LAMB1: variants seen among roughly 807,000 people sequenced by gnomAD.
LAMB1 encodes the protein laminin subunit beta 1.
Under a neutral mutation model 222.3 loss-of-function variants are expected in LAMB1, and 121 were observed. The observed-to-expected ratio is 0.54, with a 90% CI of 0.47 to 0.63. LAMB1 has a LOEUF of 0.63. LAMB1 is among the 30% of genes least tolerant of loss of function. LAMB1 has a pLI of 0.00. For synonymous variants in LAMB1, 794 were observed against 807.2 expected (o/e 0.98, Z 0.28); for missense variants, 2,172 against 2,240.8 (o/e 0.97, Z 0.62).
At chr7:107,954,784 C>A (rs1179868899) in intron 21 of LAMB1, among the ~76,000 whole-genome samples, 2 of 152,098 alleles carry the variant, frequency 1.3e-5, no homozygotes, top group South Asian at 2.1e-4. Context: ...GAGTGAGACC[C>A]CGTCTCAAAA....
intron 12 of LAMB1, among the ~76,000 whole-genome samples, 180 bp from the exon 13 acceptor site, chr7:107,973,251 T>C (rs1372927666): frequency 6.6e-6 from 1 of 152,216 alleles, no homozygotes; most frequent in Non-Finnish European, 1.5e-5. Context: ...CTGTAGGCAC[T>C]GGCGTAAGAG....
intron 20 of LAMB1, among the ~76,000 whole-genome samples, chr7:107,958,309 C>T (rs570910565): frequency 9.9e-5 from 15 of 152,234 alleles, no homozygotes; most frequent in Non-Finnish European, 1.6e-4. Context: ...AAGGGTAGTC[C>T]GTGGGACCTC....
intron 12 of LAMB1, among the ~76,000 whole-genome samples, chr7:107,974,073 G>T (rs919634073): frequency 6.6e-6 from 1 of 152,050 alleles, no homozygotes; most frequent in African/African-American, 2.4e-5. Flanking sequence ...CATCACACCT[G>T]ACCAGGCTCA....
chr7:107,988,299 CAT>C (rs2034118148), intron 5 of LAMB1, among the ~76,000 whole-genome samples: 1 of 152,182 alleles, frequency 6.6e-6, no homozygotes, highest in South Asian at 2.1e-4. Context: ...TAATTAGTCA[CAT>C]GTGTGATGTC....
chr7:107,939,956 A>C (rs1324027033), intron 25 of LAMB1, 33 bp downstream of exon 25: 1 of 1,592,314 alleles, frequency 6.3e-7, no homozygotes, highest in South Asian at 1.1e-5. Context: ...TTTCAGCTTT[A>C]TGAGTAATTC....
Position 107,959,810 on chromosome 7 carries a change from G to A in LAMB1, c.2339C>T (p.Ser780Leu), listed in dbSNP as rs762419153. The A allele has an allele frequency of 1.1e-5, 18 of 1,613,428 alleles. No individual in the cohort carries two copies. Among genetic ancestry groups the A allele is most frequent in the East Asian group, 4.5e-5 (2 of 44,884 alleles). The change falls in exon 19 of 34, where the codon TCG (serine) becomes TTG (leucine). Residue 780 changes from serine to leucine, a missense_variant. Coordinates refer to ENST00000222399, the MANE Select transcript of LAMB1 (RefSeq NM_002291.3). ...GLACECDPQG[S>L]LSSVCDPNGG... ...GTTGGGATCACACACGGAACTTAACGAACCCTGAGGGTCGCATTCACAAGC... is the reference window on the plus strand; with the variant it reads ...GTTGGGATCACACACGGAACTTAACAAACCCTGAGGGTCGCATTCACAAGC...
At chr7:107,935,695 C>G in intron 26 of LAMB1, 39 bp from the exon 27 acceptor site, 1 of 1,600,730 alleles carries the variant, frequency 6.2e-7, no homozygotes, top group Non-Finnish European at 8.5e-7. Context: ...TTAACCTCAT[C>G]ATACTAGGCT....
intron 7 of LAMB1, among the ~76,000 whole-genome samples, chr7:107,983,547 CTT>C (rs11458116): frequency 9.0e-5 from 10 of 111,134 alleles, no homozygotes; most frequent in African/African-American, 2.5e-4. Context: ...CTCCAAAGCC[CTT>C]TTTTTTTTTT....
chr7:107,996,327 A>G (rs980867764), intron 4 of LAMB1, among the ~76,000 whole-genome samples: 1 of 152,192 alleles, frequency 6.6e-6, no homozygotes, highest in South Asian at 2.1e-4. Flanking sequence ...ATCCACAGAG[A>G]AAAGAAACAA....
chr7:107,941,320 G>A (rs2032976047), intron 24 of LAMB1, among the ~76,000 whole-genome samples: 1 of 152,194 alleles, frequency 6.6e-6, no homozygotes, highest in African/African-American at 2.4e-5. Flanking sequence ...ATTTATACAG[G>A]GTTTGAATTA....
At chr7:107,924,630 C>T (rs1196680717) in intron 32 of LAMB1, among the ~76,000 whole-genome samples, 1 of 152,132 alleles carries the variant, frequency 6.6e-6, no homozygotes. Flanking sequence ...TCCTCATTCT[C>T]CTGATTATTA....
chr7:107,966,335 T>C lies in LAMB1; in HGVS notation c.1563-1648A>G, dbSNP rs2033636202. On this transcript the variant is annotated intron_variant, in intron 13 of 33. Coordinates refer to ENST00000222399, the MANE Select transcript of LAMB1 (RefSeq NM_002291.3). ...AAGCGATTCTCCCACCTCAGCCTCC[T>C]GAGTAGCTGGGACTATAGGCGACTG... Among the ~76,000 whole-genome samples the C allele has an allele frequency of 2.0e-5, 3 of 151,954 alleles. 1 individual carries two copies. The South Asian group carries it at 6.3e-4, about 32-fold the overall frequency.
At chr7:107,965,222 T>G (rs918202554) in intron 13 of LAMB1, among the ~76,000 whole-genome samples, 1 of 152,230 alleles carries the variant, frequency 6.6e-6, no homozygotes, top group African/African-American at 2.4e-5. Flanking sequence ...AACCAAATTC[T>G]GTGATTTTTA....
intron 5 of LAMB1, 95 bp downstream of exon 5, chr7:107,994,792 C>A: frequency 1.6e-6 from 1 of 636,528 alleles, no homozygotes; most frequent in Non-Finnish European, 2.7e-6. Flanking sequence ...ATTTAAGTTC[C>A]CATTTAGGTC....
At chr7:107,982,872 C>T (rs997319819) in intron 7 of LAMB1, among the ~76,000 whole-genome samples, 11 of 152,156 alleles carry the variant, frequency 7.2e-5, no homozygotes, top group African/African-American at 2.4e-4. Context: ...GCTTCCGTAA[C>T]ATAGAAAAAG....
At chr7:107,936,991 T>C (rs2032862540) in intron 26 of LAMB1, 102 bp downstream of exon 26, 5 of 1,002,420 alleles carry the variant, frequency 5.0e-6, no homozygotes, top group African/African-American at 1.7e-5. Flanking sequence ...AGTTTTAAAA[T>C]TTATTAGAAA....
In LAMB1 at chr7:107,931,397, T is replaced by C. The variant is rs1338056473; in HGVS notation, c.4496A>G (p.Glu1499Gly). 1.2e-6 allele frequency: 2 copies of C among 1,613,878 alleles called. No homozygotes were observed. Among genetic ancestry groups the C allele is most frequent in the Non-Finnish European group, 1.7e-6 (2 of 1,179,858 alleles). ...GATTTGCTTGATTAGATTTCTCAGC[T>C]CCTCATTGCTCTTGTCCATTTTTTC... ...TKEKMDKSNE[E>G]LRNLIKQIRN... Residue 1499 changes from glutamate (E) to glycine (G), a missense_variant, in exon 29 of 34, where the codon GAG (glutamate) becomes GGG (glycine). Coordinates refer to ENST00000222399, the MANE Select transcript of LAMB1 (RefSeq NM_002291.3).
chr7:107,989,418 A>G (rs2034140091), intron 5 of LAMB1, among the ~76,000 whole-genome samples: 1 of 152,238 alleles, frequency 6.6e-6, no homozygotes, highest in South Asian at 2.1e-4. Flanking sequence ...GGTGAAAACT[A>G]GAAACATGCT....
intron 27 of LAMB1, 105 bp downstream of exon 27, chr7:107,935,310 T>A: frequency 3.3e-6 from 5 of 1,498,118 alleles, no homozygotes; most frequent in Non-Finnish European, 4.4e-6. Context: ...ATTTGCAAAT[T>A]ATTGTAATAA....
Sources: allele counts gnomAD v4.1 joint callset (sites outside exome capture counted in the v4.1 genomes callset), GRCh38; gene constraint gnomAD v4.1.1; transcripts MANE v1.5; gene names NCBI Gene and HGNC (gene_info 2026-07-23, HGNC 2026-07-21).